SEMA3D: variants seen among roughly 807,000 people sequenced by gnomAD.
SEMA3D encodes the protein semaphorin-3D.
Under a neutral mutation model 100.1 loss-of-function variants are expected in SEMA3D, and 84 were observed. The observed-to-expected ratio is 0.84, with a 90% CI of 0.70 to 1.01. The LOEUF is 1.01. Among genes scored for constraint, SEMA3D ranks in the 50% least tolerant of loss-of-function variants. The pLI is 0.00. For synonymous variants in SEMA3D, 312 were observed against 320.7 expected (o/e 0.97, Z 0.29); for missense variants, 875 against 934.1 (o/e 0.94, Z 0.82).
chr7:85,133,828 A>G (rs1789789835), intron 2 of SEMA3D, among the ~76,000 whole-genome samples: 1 of 152,018 alleles, frequency 6.6e-6, no homozygotes, highest in African/African-American at 2.4e-5. Context: ...CATGGAAAGC[A>G]CTTAGTATCT....
the SEMA3D span, among the ~76,000 whole-genome samples, chr7:85,194,556 C>T: frequency 2.0e-5 from 3 of 151,954 alleles, no homozygotes; most frequent in African/African-American, 7.3e-5. Context: ...GATTTTTCAG[C>T]CATTTAACGT....
the SEMA3D span, among the ~76,000 whole-genome samples, chr7:85,245,203 G>A: frequency 6.6e-6 from 1 of 152,124 alleles, no homozygotes; most frequent in Non-Finnish European, 1.5e-5. Context: ...AAATCGTAAG[G>A]TTGGGAAACG....
chr7:85,049,737 A>G (rs1786241083), intron 9 of SEMA3D, among the ~76,000 whole-genome samples: 1 of 151,930 alleles, frequency 6.6e-6, no homozygotes, highest in Admixed American at 6.6e-5. Flanking sequence ...AAAGGCAGTA[A>G]TTGTCCAAAT....
intron 2 of SEMA3D, among the ~76,000 whole-genome samples, chr7:85,134,385 T>A (rs1321517728): frequency 1.3e-5 from 2 of 152,022 alleles, no homozygotes; most frequent in Non-Finnish European, 2.9e-5. Context: ...GATATTGTAA[T>A]AACCAAAAAT....
chr7:85,130,478 A>G (rs2116431544), intron 2 of SEMA3D, among the ~76,000 whole-genome samples: 1 of 152,308 alleles, frequency 6.6e-6, no homozygotes, highest in South Asian at 2.1e-4. Context: ...TAAACATTAT[A>G]GAATAAGTTT....
chr7:85,040,786 T>C, intron 10 of SEMA3D, 44 bp from the exon 11 acceptor site: 1 of 899,854 alleles, frequency 1.1e-6, no homozygotes, highest in Non-Finnish European at 1.8e-6. Context: ...TTTTTCAGTA[T>C]TACATTGCTT....
chr7:85,249,879 T>A, the SEMA3D span, among the ~76,000 whole-genome samples: 22 of 152,246 alleles, frequency 1.4e-4, 1 homozygote, highest in East Asian at 1.6e-3. Context: ...GATGGCCGAA[T>A]AGGAACAGCT....
intron 2 of SEMA3D, among the ~76,000 whole-genome samples, chr7:85,143,686 G>A (rs370942137): frequency 3.3e-5 from 5 of 151,702 alleles, no homozygotes; most frequent in Non-Finnish European, 5.9e-5. Flanking sequence ...GTATAATATC[G>A]TCTAGTGCTC....
intron 12 of SEMA3D, among the ~76,000 whole-genome samples, chr7:85,036,415 C>T (rs1790694788): frequency 6.6e-6 from 1 of 151,918 alleles, no homozygotes; most frequent in African/African-American, 2.4e-5. Flanking sequence ...GCATGTTATT[C>T]TAAGGTACAA....
At chr7:85,179,363 G>A (rs1483377735) in intron 1 of SEMA3D, among the ~76,000 whole-genome samples, 4 of 152,174 alleles carry the variant, frequency 2.6e-5, no homozygotes, top group Non-Finnish European at 4.4e-5. Context: ...AAAGCCACAG[G>A]AGCAGAGCTT....
chr7:85,058,862 T>C (rs1791399340), intron 8 of SEMA3D, among the ~76,000 whole-genome samples: 1 of 150,568 alleles, frequency 6.6e-6, no homozygotes, highest in Non-Finnish European at 1.5e-5. Context: ...ATTACTATTA[T>C]ATTCAAGGAA....
chr7:85,057,961 G>A lies in SEMA3D; in HGVS notation c.719-2102C>T, dbSNP rs376589484. Among the ~76,000 whole-genome samples the A allele has an allele frequency of 2.0e-5, 3 of 152,102 alleles. No individual in the cohort carries two copies. In the East Asian group the frequency reaches 5.8e-4, roughly 29 times the overall value. On this transcript the variant is annotated intron_variant, in intron 8 of 18. Coordinates refer to ENST00000284136, the MANE Select transcript of SEMA3D (RefSeq NM_001384900.1). ...GAAAATAAGTAAATAAAAAGTTAAC[G>A]TTGGATTCCGAGTGATGGGTATTCA...
chr7:85,088,577 A>G (rs1221299139), intron 4 of SEMA3D, among the ~76,000 whole-genome samples: 1 of 152,174 alleles, frequency 6.6e-6, no homozygotes, highest in East Asian at 1.9e-4. Flanking sequence ...TGAACAACTA[A>G]AAGAGCAATG....
In SEMA3D at chr7:85,055,834, G is replaced by A; in HGVS notation, c.744C>T (p.Phe248=). The change falls in exon 9 of 19, where the codon TTC becomes TTT. Residue 248 remains phenylalanine (F), a synonymous_variant. Coordinates refer to ENST00000284136, the MANE Select transcript of SEMA3D (RefSeq NM_001384900.1). ...CATCTGGATTGTAGGTGTCTGGTAT[G>A]AAGAAAGTTCCAATAAATTTTGCTC... is the stretch of plus-strand genomic sequence containing the variant. ...LNGAKFIGTF[F]IPDTYNPDDD... 1 of 1,569,982 alleles carries A rather than the reference G, an allele frequency of 6.4e-7. No homozygotes were observed. The highest frequency in any genetic ancestry group is 1.2e-5 in the South Asian group (1 of 86,604).
At chr7:85,033,242 G>A (rs1008056097) in intron 12 of SEMA3D, among the ~76,000 whole-genome samples, 1 of 152,114 alleles carries the variant, frequency 6.6e-6, no homozygotes, top group African/African-American at 2.4e-5. Flanking sequence ...GAAGAGACCA[G>A]TATGTTGAAC....
chr7:85,062,932 T>C (rs376997799), intron 8 of SEMA3D, among the ~76,000 whole-genome samples: 6 of 152,090 alleles, frequency 3.9e-5, no homozygotes, highest in East Asian at 3.9e-4. Flanking sequence ...CAGTCAATAA[T>C]ACAAAATGCT....
At chr7:85,096,996 TA>T (rs1788577828) in intron 4 of SEMA3D, among the ~76,000 whole-genome samples, 2 of 151,696 alleles carry the variant, frequency 1.3e-5, no homozygotes, top group Non-Finnish European at 2.9e-5. Context: ...AAAAAGACAA[TA>T]GAAGATGTTT....
In SEMA3D at chr7:84,999,481, G is replaced by A. The variant is rs1196221658; in HGVS notation, c.2293C>T (p.His765Tyr). 3.1e-6 allele frequency: 5 copies of A among 1,614,054 alleles called. No individual in the cohort carries two copies. The highest frequency in any genetic ancestry group is 1.6e-4 in the Middle Eastern group (1 of 6,062). The stretch of plus-strand genomic sequence containing the variant: ...CTAGGGAGCTCATCCAGGTCTCTGT[G>A]ATGTCTTCGATTTCGTTTCTTCTTC... ...EMKKKRNRRH[H>Y]RDLDELPRAV... The change falls in exon 19 of 19, where the codon CAC (histidine) becomes TAC (tyrosine). Residue 765 changes from histidine to tyrosine, a missense_variant. His to Tyr is a moderately conservative substitution (Grantham distance 83, BLOSUM62 2). Coordinates refer to ENST00000284136, the MANE Select transcript of SEMA3D (RefSeq NM_001384900.1).
the SEMA3D span, among the ~76,000 whole-genome samples, chr7:85,249,072 T>C: frequency 6.6e-6 from 1 of 152,184 alleles, no homozygotes; most frequent in Non-Finnish European, 1.5e-5. Flanking sequence ...GTTATGCATG[T>C]GTGGGAACAG....
Sources: gnomAD v4.1 joint callset for allele counts (sites outside exome capture counted in the v4.1 genomes callset) on GRCh38, gnomAD v4.1.1 for gene constraint, MANE v1.5 for transcripts, NCBI Gene and HGNC (gene_info 2026-07-23, HGNC 2026-07-21) for gene names.